The following CHIA variants were observed in gnomAD, a reference collection of about 807,000 sequenced individuals.
CHIA encodes chitinase acidic.
A neutral mutation model predicts 53.5 loss-of-function variants in CHIA; 47 were observed. The ratio of observed to expected loss-of-function variants is 0.88; its 90% confidence interval spans 0.70 to 1.12. CHIA has a LOEUF of 1.12. CHIA is among the 50% of genes most tolerant of loss of function. CHIA has a pLI of 0.00. For synonymous variants in CHIA, 268 were observed against 222.2 expected (o/e 1.21, Z -1.83); for missense variants, 652 against 592.2 (o/e 1.10, Z -1.05).
intron 5 of CHIA, chr1:111,314,814 T>G (rs1000235593): frequency 6.3e-5 from 33 of 520,466 alleles, no homozygotes; most frequent in African/African-American, 5.9e-4. Context: ...GGGGGCCCTA[T>G]CCACAGAGGT....
intron 1 of CHIA, among the ~76,000 whole-genome samples, chr1:111,306,231 C>T (rs1014369609): frequency 5.3e-5 from 8 of 152,070 alleles, no homozygotes; most frequent in Non-Finnish European, 1.0e-4. Flanking sequence ...AAAATGAAAG[C>T]GTAAAAGGCC....
At chr1:111,318,416 C>A in intron 8 of CHIA, 77 bp from the exon 9 acceptor site, 2 of 1,231,838 alleles carry the variant, frequency 1.6e-6, no homozygotes, top group Non-Finnish European at 2.3e-6. Context: ...TTTTACCTGT[C>A]GGAATAGGGG....
intron 1 of CHIA, among the ~76,000 whole-genome samples, chr1:111,295,111 G>A (rs1265395955): frequency 6.6e-6 from 1 of 152,186 alleles, no homozygotes; most frequent in Non-Finnish European, 1.5e-5. Context: ...GTGTTCATTT[G>A]TCACTAATGT....
At chr1:111,291,900 A>C (rs1248707788) in intron 1 of CHIA, among the ~76,000 whole-genome samples, 1 of 152,004 alleles carries the variant, frequency 6.6e-6, no homozygotes, top group African/African-American at 2.4e-5. Context: ...TACCTAGGTG[A>C]TGGGTTGATA....
rs139759326 is a variant in CHIA, at chr1:111,318,094, C to T, written c.714C>T (p.Asn238=). ...AATACCCGACTGACACCGGCAGCAA[C>T]GCCTACCTCAATGTGGTGAGTCCCT... The part of the protein sequence containing the change: ...LYKYPTDTGS[N]AYLNVDYVMN... Residue 238 remains asparagine, a synonymous_variant, in exon 8 of 12, where the codon AAC becomes AAT. Coordinates refer to ENST00000369740, the MANE Select transcript of CHIA (RefSeq NM_201653.4). The T allele has an allele frequency of 8.7e-6, 14 of 1,612,370 alleles. No homozygotes were observed. Among genetic ancestry groups the T allele is most frequent in the East Asian group, 4.5e-5 (2 of 44,890 alleles).
chr1:111,299,161 A>G (rs1647486830), intron 1 of CHIA, among the ~76,000 whole-genome samples: 1 of 152,218 alleles, frequency 6.6e-6, no homozygotes, highest in Non-Finnish European at 1.5e-5. Flanking sequence ...CCAGATGTAC[A>G]AAGAGTAGCT....
At chr1:111,295,288 C>T (rs1661270899) in intron 1 of CHIA, among the ~76,000 whole-genome samples, 1 of 152,192 alleles carries the variant, frequency 6.6e-6, no homozygotes, top group Admixed American at 6.5e-5. Context: ...TCAAGTGATT[C>T]TCCTACCTGG....
At chr1:111,305,790 A>C (rs1648132016) in intron 1 of CHIA, among the ~76,000 whole-genome samples, 1 of 152,202 alleles carries the variant, frequency 6.6e-6, no homozygotes, top group African/African-American at 2.4e-5. Context: ...CCTTTAAGCT[A>C]AGCATATTGG....
chr1:111,292,277 A>C (rs1033990708), intron 1 of CHIA, among the ~76,000 whole-genome samples: 1 of 152,248 alleles, frequency 6.6e-6, no homozygotes, highest in Non-Finnish European at 1.5e-5. Flanking sequence ...TATGTAATAC[A>C]TGAGGAAATT....
chr1:111,318,185 A>G lies in CHIA; in HGVS notation c.729+76A>G. On this transcript the variant is annotated intron_variant, in intron 8 of 11. Coordinates refer to ENST00000369740, the MANE Select transcript of CHIA (RefSeq NM_201653.4). Reference sequence around the variant, plus strand: ...ACATAGAGATTCAGGCACAAAAGGCATCATAAGTTTAGTGGTTTTCTCAAA... The same window carrying G: ...ACATAGAGATTCAGGCACAAAAGGCGTCATAAGTTTAGTGGTTTTCTCAAA... The G allele has an allele frequency of 2.2e-6, 3 of 1,347,882 alleles. No individual in the cohort carries two copies. The East Asian group carries it at 7.0e-5, about 31-fold the overall frequency. 83.5% of individuals were successfully genotyped at this position (1,347,882 alleles called of 1,614,324 possible).
At chr1:111,307,393 T>C (rs1382709340) in intron 1 of CHIA, among the ~76,000 whole-genome samples, 1 of 152,140 alleles carries the variant, frequency 6.6e-6, no homozygotes, top group Non-Finnish European at 1.5e-5. Context: ...TCAAGACTAA[T>C]GAATATGTTG....
chr1:111,320,274 C>G lies in CHIA; in HGVS notation c.1239C>G (p.Asn413Lys). 1 of 1,614,114 alleles carries G rather than the reference C, an allele frequency of 6.2e-7. No homozygotes were observed. The highest frequency in any genetic ancestry group is 8.5e-7 in the Non-Finnish European group (1 of 1,179,956). Residue 413 changes from asparagine (N) to lysine (K), a missense_variant, in exon 12 of 12, where the codon AAC (asparagine) becomes AAG (lysine). Coordinates refer to ENST00000369740, the MANE Select transcript of CHIA (RefSeq NM_201653.4). ...PITAAPSGSG[N>K]GSGSSSSGGS... ...CTGCTGCTCCCAGTGGCAGCGGGAACGGGAGCGGGAGTAGCAGCTCTGGAG... is the reference window on the plus strand; with the variant it reads ...CTGCTGCTCCCAGTGGCAGCGGGAAGGGGAGCGGGAGTAGCAGCTCTGGAG...
chr1:111,314,919 C>T (rs1017136002), intron 5 of CHIA: 2 of 382,090 alleles, frequency 5.2e-6, no homozygotes, highest in East Asian at 4.7e-5. Context: ...TATTTATCTT[C>T]TGGTGGGGGG....
rs145929479 is a variant in CHIA at position 111,314,470 on chromosome 1, A to T, written c.258-70A>T. On this transcript the variant is annotated intron_variant, in intron 4 of 11. Transcript: ENST00000369740. ...AAATATCTGACCAGATCCAACACTA[A>T]AGCAATGTATTTTAAATGGAGGGAG... is the stretch of plus-strand genomic sequence containing the variant. 97 of 1,072,748 alleles carry T rather than the reference A, an allele frequency of 9.0e-5. 1 individual carries two copies. In the East Asian group the frequency reaches 2.0e-3, roughly 22 times the overall value. 66.5% of individuals were successfully genotyped at this position (1,072,748 alleles called of 1,614,324 possible). A position where few individuals can be genotyped will look rare whatever the true frequency, so the allele number is the denominator to read the frequency against.
Position 111,293,636 on chromosome 1 carries a change from G to A in CHIA, c.-69+2686G>A, listed in dbSNP as rs544540377. On this transcript the variant is annotated intron_variant, in intron 1 of 11. Coordinates refer to ENST00000369740, the MANE Select transcript of CHIA (RefSeq NM_201653.4). ...GTATTCTTTTGTTGTCTGTGATTTA[G>A]GTGTCATATCCAACAAATCATTGGA... is the stretch of plus-strand genomic sequence containing the variant. Among the ~76,000 whole-genome samples the A allele has an allele frequency of 8.5e-5, 13 of 152,218 alleles. No homozygotes were observed. In the South Asian group the frequency reaches 2.5e-3, roughly 29 times the overall value.
At position 111,310,577 on chromosome 1, in the gene CHIA, A is replaced by G. The variant is rs577622190; in HGVS notation, c.25+85A>G. 8.1e-6 allele frequency: 13 copies of G among 1,607,242 alleles called. No individual in the cohort carries two copies. The African/African-American group carries it at 1.3e-4, about 17-fold the overall frequency. On this transcript the variant is annotated intron_variant, in intron 2 of 11. Coordinates refer to ENST00000369740, the MANE Select transcript of CHIA (RefSeq NM_201653.4). ...CTCTGAAAATCATGAAGTGGTCTTC[A>G]TACTACATCCCTATACTTTTCCATT...
intron 3 of CHIA, 102 bp from the exon 4 acceptor site, chr1:111,312,088 C>A: frequency 2.3e-6 from 2 of 853,824 alleles, no homozygotes; most frequent in South Asian, 1.4e-5. Context: ...AGAGATCAGG[C>A]ATCTGAGGCA....
At position 111,303,747 on chromosome 1, in the gene CHIA, A is replaced by G. The variant is rs78750117; in HGVS notation, c.-68-6653A>G. On this transcript the variant is annotated intron_variant, in intron 1 of 11. Transcript: ENST00000369740. ...TTGAAATGCATTTGTCTCTTAAATTATGTGGAGAACAAAAAGTGGAGTTAC... is the reference window on the plus strand; with the variant it reads ...TTGAAATGCATTTGTCTCTTAAATTGTGTGGAGAACAAAAAGTGGAGTTAC... Among the ~76,000 whole-genome samples, 375 of 152,294 alleles carry G rather than the reference A, an allele frequency of 2.5e-3. 2 individuals carry two copies. The highest frequency in any genetic ancestry group is 8.2e-3 in the African/African-American group (343 of 41,590).
At chr1:111,300,163 A>G (rs1318565941) in intron 1 of CHIA, among the ~76,000 whole-genome samples, 1 of 152,140 alleles carries the variant, frequency 6.6e-6, no homozygotes, top group Admixed American at 6.5e-5. Flanking sequence ...TACCCAAGGT[A>G]ATTTATAGAT....
Sources: allele counts gnomAD v4.1 joint callset (sites outside exome capture counted in the v4.1 genomes callset), GRCh38; gene constraint gnomAD v4.1.1; transcripts MANE v1.5; gene names NCBI Gene and HGNC (gene_info 2026-07-23, HGNC 2026-07-21).